IMPA2: variants seen among roughly 807,000 people sequenced by gnomAD.
IMPA2 encodes inositol monophosphatase 2.
Under a neutral mutation model 35.1 loss-of-function variants are expected in IMPA2, and 32 were observed. The observed-to-expected ratio is 0.91, with a 90% confidence interval of 0.69 to 1.23. IMPA2 has a LOEUF of 1.23. IMPA2 is among the 50% of genes most tolerant of loss of function. The pLI, the probability that IMPA2 is intolerant of heterozygous loss-of-function variation, is 0.00. For missense variants in IMPA2, 334 were observed against 387.6 expected (o/e 0.86, Z 1.16); for synonymous variants, 135 against 160.6 (o/e 0.84, Z 1.20).
chr18:12,006,522 G>A (rs1034538930), intron 2 of IMPA2, among the ~76,000 whole-genome samples: 2 of 152,212 alleles, frequency 1.3e-5, no homozygotes, highest in Non-Finnish European at 2.9e-5. Context: ...GGCTCTCCAG[G>A]AACAGCTGAT....
chr18:12,029,779 C>T (rs1907994618), intron 7 of IMPA2, among the ~76,000 whole-genome samples: 1 of 152,224 alleles, frequency 6.6e-6, no homozygotes, highest in African/African-American at 2.4e-5. Context: ...CACCTGAAGG[C>T]TCACGTATGT....
intron 1 of IMPA2, among the ~76,000 whole-genome samples, chr18:11,987,463 T>C (rs915727022): frequency 6.6e-6 from 1 of 152,170 alleles, no homozygotes; most frequent in African/African-American, 2.4e-5. Context: ...CCTGAACAGC[T>C]GGGTCTACAG....
intron 5 of IMPA2, among the ~76,000 whole-genome samples, chr18:12,015,049 G>T (rs1907540514): frequency 2.0e-5 from 3 of 152,324 alleles, no homozygotes; most frequent in Admixed American, 2.0e-4. Flanking sequence ...TAACTGCATT[G>T]TGAGACAGGT....
rs68185380 is a variant in IMPA2, at chr18:12,022,528, A to AAAATATATATAT, written c.491-5514_491-5513insAATATATATATA. 3.1e-4 allele frequency among the ~76,000 whole-genome samples: 30 copies of AAAATATATATAT among 96,818 alleles called. 1 individual carries two copies. Among genetic ancestry groups the AAAATATATATAT allele is most frequent in the African/African-American group, 1.2e-3 (28 of 23,168 alleles). The allele number at this position is 96,818 out of a possible 152,430, so 63.5% of individuals were successfully genotyped here. ...CAGAATGGGGCTCCATCTCAAAAAGAATATATATATATATATATATATATA... is the reference window on the plus strand; with the variant it reads ...CAGAATGGGGCTCCATCTCAAAAAGAAAATATATATATATATATATATATATATATATATATA... On this transcript the variant is annotated intron_variant, in intron 5 of 7. Coordinates refer to ENST00000269159, the MANE Select transcript of IMPA2 (RefSeq NM_014214.3).
rs376034152 is a variant in IMPA2 at position 12,030,408 on chromosome 18, A to C, written c.817A>C (p.Ile273Leu). 1.3e-5 allele frequency: 21 copies of C among 1,614,106 alleles called. No individual in the cohort carries two copies. The highest frequency in any genetic ancestry group is 1.7e-5 in the Non-Finnish European group (20 of 1,180,048). ...CAGCACCCGGGAGATGGCGATGCTC[A>C]TAGCTCAGGCCTTACAGACGATTAA... ...AASTREMAML[I>L]AQALQTINYG... The change falls in exon 8 of 8, where the codon ATA becomes CTA. Residue 273 changes from isoleucine (I) to leucine (L), a missense_variant. By Grantham distance (5) the Ile-to-Leu change is conservative. Coordinates refer to ENST00000269159, the MANE Select transcript of IMPA2 (RefSeq NM_014214.3).
chr18:12,008,365 G>A (rs778472890), intron 2 of IMPA2: 3 of 518,956 alleles, frequency 5.8e-6, no homozygotes, highest in South Asian at 2.8e-5. Flanking sequence ...ATGTGAACCC[G>A]GCACAGGAAC....
chr18:12,025,103 C>A (rs1907843753), intron 5 of IMPA2, among the ~76,000 whole-genome samples: 1 of 147,908 alleles, frequency 6.8e-6, no homozygotes, highest in Admixed American at 6.8e-5. Context: ...TTTGCCTTTT[C>A]CAGAATGTCA....
intron 1 of IMPA2, among the ~76,000 whole-genome samples, chr18:11,985,517 T>C (rs1256574171): frequency 6.6e-6 from 1 of 152,224 alleles, no homozygotes; most frequent in Non-Finnish European, 1.5e-5. Flanking sequence ...GCTTATAAAT[T>C]TTTAGGATGT....
intron 5 of IMPA2, among the ~76,000 whole-genome samples, chr18:12,024,877 C>T (rs1323873995): frequency 1.3e-5 from 2 of 152,172 alleles, no homozygotes; most frequent in Non-Finnish European, 2.9e-5. Context: ...CATCCATCAG[C>T]ATCGCGTACA....
chr18:11,995,996 GACAA>G (rs759042610), intron 1 of IMPA2, among the ~76,000 whole-genome samples: 2 of 152,190 alleles, frequency 1.3e-5, no homozygotes, highest in African/African-American at 4.8e-5. Flanking sequence ...GCCTAGGAGA[GACAA>G]ACAGTCAACA....
intron 4 of IMPA2, among the ~76,000 whole-genome samples, chr18:12,013,518 G>C (rs911968175): frequency 5.9e-5 from 9 of 152,238 alleles, no homozygotes; most frequent in African/African-American, 1.9e-4. Context: ...CATTTGGCCA[G>C]GGTGTTTTTT....
intron 1 of IMPA2, among the ~76,000 whole-genome samples, chr18:11,989,563 C>T (rs991945408): frequency 1.3e-5 from 2 of 152,226 alleles, no homozygotes; most frequent in Non-Finnish European, 2.9e-5. Context: ...AGGCCCACTG[C>T]TCCTGACCCT....
intron 1 of IMPA2, among the ~76,000 whole-genome samples, chr18:11,992,641 G>A (rs923984616): frequency 1.3e-5 from 2 of 152,166 alleles, no homozygotes; most frequent in African/African-American, 2.4e-5. Context: ...GGAGAGACCC[G>A]AGCCAGGGGG....
chr18:11,985,663 T>C (rs4239304), intron 1 of IMPA2, among the ~76,000 whole-genome samples: 14,987 of 152,214 alleles, frequency 0.098, 929 homozygotes, highest in East Asian at 0.28. Flanking sequence ...AGTGCCAGTG[T>C]CTGTGTCCAC....
intron 5 of IMPA2, among the ~76,000 whole-genome samples, chr18:12,017,140 A>G (rs148083215): frequency 5.6e-4 from 86 of 152,364 alleles, no homozygotes; most frequent in African/African-American, 1.9e-3. Context: ...AAGGATTAGA[A>G]GAAGGCAAGA....
chr18:11,988,461 T>G lies in IMPA2; in HGVS notation c.96+6696T>G, dbSNP rs528538029. Among the ~76,000 whole-genome samples the G allele has an allele frequency of 1.6e-3, 249 of 152,276 alleles. 3 individuals carry two copies. Among genetic ancestry groups the G allele is most frequent in the Middle Eastern group, 3.4e-3 (1 of 294 alleles). The stretch of plus-strand genomic sequence containing the variant: ...AGGGGAGGTTTGGGGCAGAGTCTTG[T>G]GTGGGGCTTTATAGGACTCTATATA... On this transcript the variant is annotated intron_variant, in intron 1 of 7. Transcript: ENST00000269159.
intron 5 of IMPA2, among the ~76,000 whole-genome samples, chr18:12,025,721 A>G (rs76765474): frequency 0.02 from 3,043 of 152,090 alleles, 99 homozygotes; most frequent in African/African-American, 0.069. Context: ...CTGGGATTAC[A>G]GGCACGTGCT....
intron 2 of IMPA2, among the ~76,000 whole-genome samples, chr18:12,008,950 C>T (rs768173994): frequency 6.6e-6 from 1 of 152,256 alleles, no homozygotes; most frequent in East Asian, 1.9e-4. Context: ...CCATGTCCCT[C>T]TAGCAGGAAT....
chr18:12,018,745 C>A (rs1037318011), intron 5 of IMPA2, among the ~76,000 whole-genome samples: 16 of 152,044 alleles, frequency 1.1e-4, no homozygotes, highest in African/African-American at 3.4e-4. Context: ...TTCTTTATGT[C>A]TGGCTTAATG....
Sources: allele counts gnomAD v4.1 joint callset (sites outside exome capture counted in the v4.1 genomes callset), GRCh38; gene constraint gnomAD v4.1.1; transcripts MANE v1.5; gene names NCBI Gene and HGNC (gene_info 2026-07-23, HGNC 2026-07-21).